ATP8B4: variants seen among roughly 807,000 people sequenced by gnomAD.
ATP8B4 encodes probable phospholipid-transporting ATPase IM.
A neutral mutation model predicts 145.6 loss-of-function variants in ATP8B4; 133 were observed. The observed-to-expected ratio is 0.91, with a 90% CI of 0.79 to 1.05. ATP8B4 has a LOEUF of 1.05. Among genes scored for constraint, ATP8B4 ranks in the 50% least tolerant of loss-of-function variants. The pLI, the probability that ATP8B4 is intolerant of heterozygous loss-of-function variation, is 0.00. For synonymous variants in ATP8B4, 507 were observed against 492.9 expected, an observed-to-expected ratio of 1.03 and a Z score of -0.38; for missense variants, 1,458 against 1,425.2, an observed-to-expected ratio of 1.02 and a Z score of -0.37.
Position 50,010,909 on chromosome 15 carries a change from T to C in ATP8B4, c.371A>G (p.Asn124Ser). ...SEVLINSKLQNEKWMNVKVGD... is the reference protein window; with the variant it reads ...SEVLINSKLQSEKWMNVKVGD... ...CACTTTGACATTCATCCATTTTTCA[T>C]TCTGCAGTCTAAAAACAAAAATAAA... The change falls in exon 7 of 28, where the codon AAT becomes AGT. Residue 124 changes from asparagine to serine, a missense_variant. Transcript: ENST00000284509. The C allele has an allele frequency of 1.3e-6, 2 of 1,549,528 alleles. 1 individual carries two copies. Among genetic ancestry groups the C allele is most frequent in the Non-Finnish European group, 1.7e-6 (2 of 1,150,536 alleles).
chr15:49,963,763 G>C (rs148290762), intron 13 of ATP8B4, among the ~76,000 whole-genome samples: 1 of 152,282 alleles, frequency 6.6e-6, no homozygotes, highest in East Asian at 1.9e-4. Context: ...GTTGATGTGG[G>C]AAGGGAGAGC....
At chr15:50,113,023 G>A (rs1051152676) in intron 1 of ATP8B4, among the ~76,000 whole-genome samples, 1 of 152,126 alleles carries the variant, frequency 6.6e-6, no homozygotes, top group African/African-American at 2.4e-5. Context: ...ATGACAGGAG[G>A]AAGGAACAAG....
chr15:50,163,695 T>A (rs1283929638), intron 1 of ATP8B4, among the ~76,000 whole-genome samples: 1 of 152,150 alleles, frequency 6.6e-6, no homozygotes, highest in Non-Finnish European at 1.5e-5. Context: ...GAATCCAGCC[T>A]TGCTTGTATC....
At chr15:50,157,890 G>A (rs540208207) in intron 1 of ATP8B4, among the ~76,000 whole-genome samples, 15 of 152,278 alleles carry the variant, frequency 9.9e-5, no homozygotes, top group South Asian at 6.2e-4. Context: ...CAGTGCCTGC[G>A]ATTGCAGGCG....
intron 14 of ATP8B4, among the ~76,000 whole-genome samples, chr15:49,935,993 A>AT (rs909467544): frequency 8.6e-5 from 13 of 150,968 alleles, no homozygotes; most frequent in East Asian, 5.9e-4. Flanking sequence ...CAACCTATTT[A>AT]TTTTTTTTTC....
At chr15:49,861,708 A>G (rs1376219617) in intron 27 of ATP8B4, among the ~76,000 whole-genome samples, 1 of 152,224 alleles carries the variant, frequency 6.6e-6, no homozygotes, top group Non-Finnish European at 1.5e-5. Context: ...AGGAATTTCT[A>G]TAACCTGTTC....
chr15:50,009,923 G>A (rs1194646908), intron 7 of ATP8B4, among the ~76,000 whole-genome samples: 1 of 152,162 alleles, frequency 6.6e-6, no homozygotes, highest in Non-Finnish European at 1.5e-5. Context: ...TGAATGGCCT[G>A]TCTACTGAGT....
At chr15:50,068,796 GAGA>G (rs1466586235) in intron 3 of ATP8B4, among the ~76,000 whole-genome samples, 10 of 152,148 alleles carry the variant, frequency 6.6e-5, no homozygotes, top group Non-Finnish European at 1.2e-4. Context: ...CAGAGAGTGA[GAGA>G]AGAAGAACCA....
chr15:50,045,064 A>G (rs528746292), intron 4 of ATP8B4, among the ~76,000 whole-genome samples: 13 of 152,312 alleles, frequency 8.5e-5, no homozygotes, highest in African/African-American at 2.9e-4. Flanking sequence ...AGATTGTTTG[A>G]ACATCTGCCT....
In ATP8B4 at chr15:49,877,069, A is replaced by G. The variant is rs150936127; in HGVS notation, c.2782-546T>C. Reference sequence around the variant, plus strand: ...AACTGCATTTGGGATTCCAGGTGAGAAGGAGGCTGGGATGAGGATCCTACC... The same window carrying G: ...AACTGCATTTGGGATTCCAGGTGAGGAGGAGGCTGGGATGAGGATCCTACC... On this transcript the variant is annotated intron_variant, in intron 24 of 27. Coordinates refer to ENST00000284509, the MANE Select transcript of ATP8B4 (RefSeq NM_024837.4). Among the ~76,000 whole-genome samples, 532 of 152,288 alleles carry G rather than the reference A, an allele frequency of 3.5e-3. 3 individuals are homozygous for G. The highest frequency in any genetic ancestry group is 0.012 in the African/African-American group (513 of 41,558).
intron 12 of ATP8B4, 35 bp downstream of exon 12, chr15:49,979,582 A>G: frequency 1.5e-6 from 2 of 1,375,698 alleles, no homozygotes; most frequent in Non-Finnish European, 1.9e-6. Context: ...GGTTTTGATG[A>G]AATTATTTCA....
chr15:50,050,627 A>C (rs1003561696), intron 3 of ATP8B4, among the ~76,000 whole-genome samples: 3 of 152,124 alleles, frequency 2.0e-5, no homozygotes, highest in Admixed American at 1.3e-4. Context: ...ACATTAAAAA[A>C]AAAACAGGCT....
Position 49,908,068 on chromosome 15 carries a change from A to G in ATP8B4, c.2142-6829T>C. 8.8e-6 allele frequency: 4 copies of G among 456,062 alleles called. 1 individual carries two copies. The highest frequency in any genetic ancestry group is 6.2e-5 in the South Asian group (4 of 64,560). 28.3% of individuals were successfully genotyped at this position (456,062 alleles called of 1,614,324 possible). A position where few individuals can be genotyped will look rare whatever the true frequency, so the allele number is the denominator to read the frequency against. On this transcript the variant is annotated intron_variant, in intron 20 of 27. Coordinates refer to ENST00000284509, the MANE Select transcript of ATP8B4 (RefSeq NM_024837.4). ...ACCCTCTATATACTTCGACTTCCTC[A>G]TATGTCCAACAGGGAAAACAGTAAT...
intron 3 of ATP8B4, among the ~76,000 whole-genome samples, chr15:50,053,080 G>A (rs1441729227): frequency 6.6e-6 from 1 of 152,056 alleles, no homozygotes; most frequent in Non-Finnish European, 1.5e-5. Flanking sequence ...ATCAGGGTGG[G>A]GACAGAAGGA....
chr15:50,054,298 T>C (rs1275499394), intron 3 of ATP8B4, among the ~76,000 whole-genome samples: 1 of 152,102 alleles, frequency 6.6e-6, no homozygotes, highest in Non-Finnish European at 1.5e-5. Context: ...AAAAAGAAGC[T>C]CTGAACAGTC....
At position 49,987,370 on chromosome 15, in the gene ATP8B4, G is replaced by A. The variant is rs1247237851; in HGVS notation, c.748+21C>T. On this transcript the variant is annotated intron_variant, in intron 10 of 27. Transcript: ENST00000284509. ...TGCAGGAAAGGTTCCCACAGAGCTG[G>A]CCTTGGGTCACATGCTGTACCTGCA... 3.7e-6 allele frequency: 6 copies of A among 1,610,968 alleles called. No homozygotes were observed. In the South Asian group the frequency reaches 5.5e-5, roughly 15 times the overall value.
intron 3 of ATP8B4, 80 bp downstream of exon 3, chr15:50,074,047 A>G (rs2054017734): frequency 7.8e-7 from 1 of 1,286,090 alleles, no homozygotes; most frequent in Non-Finnish European, 1.1e-6. Flanking sequence ...GTGAAGTCAT[A>G]AAGTTCTAGA....
chr15:49,901,572 G>A (rs1159500402), intron 20 of ATP8B4, among the ~76,000 whole-genome samples: 7 of 152,096 alleles, frequency 4.6e-5, no homozygotes, highest in African/African-American at 4.8e-5. Flanking sequence ...AGCTTCAAGG[G>A]CTTAAGAACC....
chr15:50,171,847 A>G (rs1194605502), intron 1 of ATP8B4, among the ~76,000 whole-genome samples: 1 of 152,218 alleles, frequency 6.6e-6, no homozygotes, highest in Admixed American at 6.5e-5. Flanking sequence ...AAAGAAAAAA[A>G]AATCCAAATA....
Sources: allele counts gnomAD v4.1 joint callset (sites outside exome capture counted in the v4.1 genomes callset), GRCh38; gene constraint gnomAD v4.1.1; transcripts MANE v1.5; gene names NCBI Gene and HGNC (gene_info 2026-07-23, HGNC 2026-07-21).